The following MAP4 variants were observed in gnomAD, a reference collection of about 807,000 sequenced individuals.
MAP4 encodes microtubule associated protein 4.
Under a neutral mutation model 170.2 loss-of-function variants are expected in MAP4, and 76 were observed. The observed-to-expected ratio is 0.45, with a 90% CI of 0.37 to 0.54. MAP4 has a LOEUF of 0.54. Ranked by LOEUF, MAP4 falls within the 20% of genes least tolerant of loss-of-function variation. The pLI is 0.00. For synonymous variants in MAP4, 909 were observed against 994.5 expected (o/e 0.91, Z 1.62); for missense variants, 2,506 against 2,748.0 (o/e 0.91, Z 1.97).
chr3:47,930,995 G>A (rs908498253), intron 3 of MAP4, among the ~76,000 whole-genome samples: 7 of 151,574 alleles, frequency 4.6e-5, no homozygotes, highest in African/African-American at 1.7e-4. Context: ...TATATAATGC[G>A]TAATATGCAC....
intron 10 of MAP4, among the ~76,000 whole-genome samples, chr3:47,886,017 C>A (rs977053645): frequency 2.6e-5 from 4 of 152,164 alleles, no homozygotes; most frequent in African/African-American, 7.2e-5. Context: ...CGTGAGCCAC[C>A]GCGCCCGGCT....
intron 10 of MAP4, among the ~76,000 whole-genome samples, chr3:47,901,155 T>A (rs1372240164): frequency 6.6e-6 from 1 of 152,212 alleles, no homozygotes; most frequent in Non-Finnish European, 1.5e-5. Flanking sequence ...CTAGGTCTTG[T>A]AGGAAAACTT....
chr3:47,969,964 T>C (rs2100077591), intron 3 of MAP4, among the ~76,000 whole-genome samples: 1 of 152,142 alleles, frequency 6.6e-6, no homozygotes, highest in African/African-American at 2.4e-5. Flanking sequence ...TGAGAGGCAT[T>C]CTATACAGGT....
intron 10 of MAP4, chr3:47,891,858 G>C: frequency 1.3e-6 from 2 of 1,536,154 alleles, no homozygotes; most frequent in Non-Finnish European, 1.7e-6. Flanking sequence ...GGGCAGCCAG[G>C]GGTGATGCTA....
intron 2 of MAP4, 121 bp downstream of exon 2, chr3:47,998,515 CAT>C: frequency 1.3e-6 from 1 of 743,240 alleles, no homozygotes; most frequent in Non-Finnish European, 2.3e-6. Flanking sequence ...AACAAAGAAA[CAT>C]AAAGTTACTA....
intron 1 of MAP4, among the ~76,000 whole-genome samples, chr3:48,061,197 CCCCTCT>C (rs200606918): frequency 0.012 from 1,860 of 150,996 alleles, 34 homozygotes; most frequent in African/African-American, 0.041. Context: ...CCTCCCCCTC[CCCCTCT>C]CCCTCTCCCT....
At chr3:47,943,787 T>G (rs538126566) in intron 3 of MAP4, among the ~76,000 whole-genome samples, 2 of 152,090 alleles carry the variant, frequency 1.3e-5, no homozygotes, top group African/African-American at 2.4e-5. Context: ...TAAGATCACA[T>G]AGCACACTTG....
intron 1 of MAP4, among the ~76,000 whole-genome samples, chr3:48,003,757 G>GT (rs1193686783): frequency 6.6e-6 from 1 of 152,160 alleles, no homozygotes; most frequent in African/African-American, 2.4e-5. Context: ...GGGTGTGTCT[G>GT]TGAGGGTGTT....
At chr3:48,081,040 C>G (rs1212938505) in intron 1 of MAP4, among the ~76,000 whole-genome samples, 1 of 152,048 alleles carries the variant, frequency 6.6e-6, no homozygotes, top group East Asian at 1.9e-4. Context: ...AGGAGAATGG[C>G]GTGAACCCGG....
Position 47,910,944 on chromosome 3 carries a change from A to C in MAP4, c.3477T>G (p.Pro1159=). The C allele has an allele frequency of 6.5e-7, 1 of 1,536,100 alleles. No homozygotes were observed. Among genetic ancestry groups the C allele is most frequent in the Non-Finnish European group, 8.7e-7 (1 of 1,146,896 alleles). The change falls in exon 9 of 21, where the codon CCT becomes CCG. Residue 1159 remains proline, a synonymous_variant. Coordinates refer to ENST00000683076, the MANE Select transcript of MAP4 (RefSeq NM_001385682.1). ...GAGTCATGCCTGATCCACTTTCCAA[A>C]GGAATCAATGCCTGCATGGTGCCTG... ...KVAGTMQALI[P]LESGSGMTQT... is the part of the protein sequence containing the mutation.
intron 11 of MAP4, among the ~76,000 whole-genome samples, chr3:47,876,132 C>CTTTTTTTTTTTT (rs756229459): frequency 1.5e-4 from 21 of 140,558 alleles, no homozygotes; most frequent in South Asian, 2.2e-4. Context: ...TTTTCTTTTT[C>CTTTTTTTTTTTT]TTTCTTTTTT....
At chr3:48,010,170 G>A (rs1006505168) in intron 1 of MAP4, among the ~76,000 whole-genome samples, 1 of 152,180 alleles carries the variant, frequency 6.6e-6, no homozygotes, top group Non-Finnish European at 1.5e-5. Context: ...CAGGAATGAA[G>A]GTTTGGATCA....
At chr3:48,054,502 C>T (rs1235839634) in intron 1 of MAP4, among the ~76,000 whole-genome samples, 3 of 151,238 alleles carry the variant, frequency 2.0e-5, no homozygotes, top group Non-Finnish European at 2.9e-5. Context: ...TGGTGGCGGG[C>T]GCCTGTAATC....
In MAP4 at chr3:48,051,241, C is replaced by T. The variant is rs530069283; in HGVS notation, c.-20+37532G>A. 7.2e-5 allele frequency among the ~76,000 whole-genome samples: 11 copies of T among 152,054 alleles called. No homozygotes were observed. In the East Asian group the frequency reaches 9.7e-4, roughly 13 times the overall value. ...CAGCCTGGGCAACATGGCAAAACCC[C>T]GTCTCTACTAAAAATACAAAAATTA... On this transcript the variant is annotated intron_variant, in intron 1 of 18. Transcript: ENST00000360240.
chr3:47,949,376 G>A (rs1252160377), intron 3 of MAP4, among the ~76,000 whole-genome samples: 1 of 145,188 alleles, frequency 6.9e-6, no homozygotes, highest in Non-Finnish European at 1.5e-5. Context: ...TGAGACAGGA[G>A]AATTGCTTGA....
intron 1 of MAP4, among the ~76,000 whole-genome samples, chr3:48,042,849 C>T (rs1046694848): frequency 6.6e-6 from 1 of 152,160 alleles, no homozygotes; most frequent in Non-Finnish European, 1.5e-5. Flanking sequence ...ATACATGCTA[C>T]AAGATGGGTG....
At chr3:48,027,948 C>A (rs114767869) in intron 1 of MAP4, among the ~76,000 whole-genome samples, 1,558 of 152,340 alleles carry the variant, frequency 0.01, 10 homozygotes, top group Middle Eastern at 0.031. Flanking sequence ...CACACAATAT[C>A]TGCAGCATAA....
upstream of MAP4, among the ~76,000 whole-genome samples, chr3:48,020,118 T>C (rs1464075988): frequency 6.6e-6 from 1 of 152,176 alleles, no homozygotes; most frequent in Non-Finnish European, 1.5e-5. Context: ...ACTCCTGACC[T>C]CAAGTGATTC....
intron 10 of MAP4, 25 bp from the exon 11 acceptor site, chr3:47,877,548 T>C: frequency 6.6e-7 from 1 of 1,519,594 alleles, no homozygotes. Context: ...TGAGTGGGAA[T>C]TATGCTAAGC....
Sources: allele counts gnomAD v4.1 joint callset (sites outside exome capture counted in the v4.1 genomes callset), GRCh38; gene constraint gnomAD v4.1.1; transcripts MANE v1.5; gene names NCBI Gene and HGNC (gene_info 2026-07-23, HGNC 2026-07-21).